Variants in RAD23B observed in about 807,000 individuals in gnomAD.
The protein encoded by RAD23B is lysine-specific demethylase RAD23B.
In RAD23B, 5 loss-of-function variants were observed where a neutral mutation model predicts 49.1. That is an observed-to-expected ratio of 0.10 (90% CI 0.05 to 0.21). The LOEUF is 0.21. Among genes scored for constraint, RAD23B ranks in the 10% least tolerant of loss-of-function variants. The probability of loss-of-function intolerance (pLI) is 1.00; values close to 1 mark genes in which losing one functional copy is unlikely to be tolerated. For synonymous variants in RAD23B, 184 were observed against 165.4 expected, an observed-to-expected ratio of 1.11 and a Z score of -0.86; for missense variants, 356 against 486.7, an observed-to-expected ratio of 0.73 and a Z score of 2.53.
At chr9:107,307,250 T>C (rs1826798388) in intron 4 of RAD23B, among the ~76,000 whole-genome samples, 1 of 152,162 alleles carries the variant, frequency 6.6e-6, no homozygotes, top group South Asian at 2.1e-4. Context: ...TGTTGAGATA[T>C]TTGAGGAGCA....
At chr9:107,328,116 A>G (rs754647010) in intron 9 of RAD23B, among the ~76,000 whole-genome samples, 1 of 152,230 alleles carries the variant, frequency 6.6e-6, no homozygotes, top group Non-Finnish European at 1.5e-5. Flanking sequence ...GTTGGATTGT[A>G]CCCTTTACTT....
chr9:107,328,513 A>T (rs1827250985), intron 9 of RAD23B, among the ~76,000 whole-genome samples: 1 of 152,206 alleles, frequency 6.6e-6, no homozygotes, highest in Admixed American at 6.5e-5. Context: ...CCTCTCATGC[A>T]CAGTTCACAG....
At position 107,331,635 on chromosome 9, in the gene RAD23B, C is replaced by G. The variant is rs549146278; in HGVS notation, c.*1979C>G. 2 of 766,668 alleles carry G rather than the reference C, an allele frequency of 2.6e-6. No homozygotes were observed. Among genetic ancestry groups the G allele is most frequent in the African/African-American group, 3.4e-5 (2 of 58,314 alleles). 47.5% of individuals were successfully genotyped at this position (766,668 alleles called of 1,614,324 possible). On this transcript the variant is annotated 3_prime_UTR_variant, in exon 10 of 10. Transcript: ENST00000358015. ...ATTTCTGATCGGATAATGGAATACT[C>G]TCATTTATTTTATGACATTCTCTGT...
intron 1 of RAD23B, among the ~76,000 whole-genome samples, chr9:107,293,346 T>C (rs1287089080): frequency 6.6e-6 from 1 of 152,206 alleles, no homozygotes; most frequent in African/African-American, 2.4e-5. Flanking sequence ...ATGGGAGTCA[T>C]TGGGGGCCAT....
intron 1 of RAD23B, among the ~76,000 whole-genome samples, chr9:107,289,433 G>A (rs1587845945): frequency 6.6e-6 from 1 of 152,016 alleles, no homozygotes; most frequent in African/African-American, 2.4e-5. Context: ...TGATCCTCCT[G>A]CCTCAGCCTC....
chr9:107,284,661 T>C (rs1395905016), intron 1 of RAD23B: 2 of 1,044,216 alleles, frequency 1.9e-6, no homozygotes, highest in Non-Finnish European at 2.4e-6. Flanking sequence ...GTAAATTTAC[T>C]GCTTATGTTC....
intron 5 of RAD23B, among the ~76,000 whole-genome samples, chr9:107,313,257 ACT>A (rs1826925409): frequency 6.8e-6 from 1 of 147,288 alleles, no homozygotes; most frequent in Non-Finnish European, 1.5e-5. Flanking sequence ...TCGTAGTCTC[ACT>A]CTGTCGCCCA....
chr9:107,327,893 T>TTATA (rs1827240372), intron 9 of RAD23B, among the ~76,000 whole-genome samples: 1 of 152,208 alleles, frequency 6.6e-6, no homozygotes, highest in South Asian at 2.1e-4. Context: ...TGTGGCTCTG[T>TTATA]TATATATAAT....
At chr9:107,316,002 A>G (rs1826985388) in intron 5 of RAD23B, among the ~76,000 whole-genome samples, 1 of 151,620 alleles carries the variant, frequency 6.6e-6, no homozygotes, top group Non-Finnish European at 1.5e-5. Context: ...ACCATGACTT[A>G]ATACTTTTAC....
intron 1 of RAD23B, among the ~76,000 whole-genome samples, chr9:107,299,593 C>CA (rs1175668323): frequency 2.0e-5 from 3 of 152,170 alleles, no homozygotes; most frequent in Non-Finnish European, 4.4e-5. Flanking sequence ...ACTTTGGAAA[C>CA]ACCTGTAAAA....
At chr9:107,317,803 G>C (rs754559672) in intron 5 of RAD23B, among the ~76,000 whole-genome samples, 2 of 152,048 alleles carry the variant, frequency 1.3e-5, no homozygotes, top group Non-Finnish European at 2.9e-5. Context: ...TGTATTGAGA[G>C]GAGGGAGCAT....
intron 1 of RAD23B, among the ~76,000 whole-genome samples, chr9:107,293,930 G>A (rs1320740773): frequency 2.0e-5 from 3 of 152,044 alleles, no homozygotes; most frequent in Non-Finnish European, 2.9e-5. Context: ...GACTACAAGC[G>A]GGCACCACAG....
chr9:107,286,966 T>C (rs1833282657), intron 1 of RAD23B, among the ~76,000 whole-genome samples: 1 of 151,926 alleles, frequency 6.6e-6, no homozygotes, highest in Non-Finnish European at 1.5e-5. Context: ...TCCCAGCTAC[T>C]TGGGAGGCTG....
chr9:107,291,665 A>G (rs963153006), intron 1 of RAD23B, among the ~76,000 whole-genome samples: 1 of 152,176 alleles, frequency 6.6e-6, no homozygotes, highest in Non-Finnish European at 1.5e-5. Flanking sequence ...CTACCTTGGG[A>G]CAGAAATTCC....
At chr9:107,310,514 G>A (rs1193326640) in intron 4 of RAD23B, among the ~76,000 whole-genome samples, 3 of 152,118 alleles carry the variant, frequency 2.0e-5, no homozygotes, top group Non-Finnish European at 4.4e-5. Flanking sequence ...TGATTGTTAA[G>A]TTAAAAAAAC....
chr9:107,283,308 T>C lies in RAD23B; in HGVS notation c.-322T>C, dbSNP rs1356027362. 6 of 413,252 alleles carry C rather than the reference T, an allele frequency of 1.5e-5. No homozygotes were observed. Among genetic ancestry groups the C allele is most frequent in the Non-Finnish European group, 2.5e-5 (6 of 236,652 alleles). The allele number at this position is 413,252 out of a possible 1,614,324, so 25.6% of individuals were successfully genotyped here. A position where few individuals can be genotyped will look rare whatever the true frequency, so the allele number is the denominator to read the frequency against. On this transcript the variant is annotated 5_prime_UTR_variant, in exon 1 of 10. Transcript: ENST00000358015. The stretch of plus-strand genomic sequence containing the variant: ...CACGATGATGGCGGCCACCATCCTG[T>C]GGTGAGCTAGCGGATTCCCTGCTTG...
At chr9:107,293,588 AT>A (rs1380454921) in intron 1 of RAD23B, among the ~76,000 whole-genome samples, 2 of 152,224 alleles carry the variant, frequency 1.3e-5, no homozygotes, top group Non-Finnish European at 2.9e-5. Flanking sequence ...AGAAGAAAAA[AT>A]AATACTGTAA....
chr9:107,296,167 C>T (rs558679495), intron 1 of RAD23B, among the ~76,000 whole-genome samples: 75 of 152,210 alleles, frequency 4.9e-4, no homozygotes, highest in African/African-American at 1.6e-3. Flanking sequence ...AGGAACAATG[C>T]CAGAATTTTA....
At chr9:107,323,711 G>A (rs3818367) in intron 7 of RAD23B, among the ~76,000 whole-genome samples, 179 bp from the exon 8 acceptor site, 17,900 of 152,046 alleles carry the variant, frequency 0.12, 1,098 homozygotes, top group South Asian at 0.15. Context: ...AATTTTTGCC[G>A]TATAAAACTT....
Sources: allele counts gnomAD v4.1 joint callset (sites outside exome capture counted in the v4.1 genomes callset), GRCh38; gene constraint gnomAD v4.1.1; transcripts MANE v1.5; gene names NCBI Gene and HGNC (gene_info 2026-07-23, HGNC 2026-07-21).